The following ADGRL2 variants were observed in gnomAD, a reference collection of about 807,000 sequenced individuals.
The protein encoded by ADGRL2 is calcium-independent alpha-latrotoxin receptor 2.
In ADGRL2, 44 loss-of-function variants were observed where a neutral mutation model predicts 157.4. The observed-to-expected ratio is 0.28, with a 90% CI of 0.22 to 0.36. The LOEUF (loss-of-function observed/expected upper bound fraction) is 0.36. Ranked by LOEUF, ADGRL2 falls within the 10% of genes least tolerant of loss-of-function variation. The probability of loss-of-function intolerance (pLI) is 1.00; values close to 1 mark genes in which losing one functional copy is unlikely to be tolerated. For missense variants in ADGRL2, 1,510 were observed against 1,768.9 expected (o/e 0.85, Z 2.63); for synonymous variants, 585 against 624.7 (o/e 0.94, Z 0.95).
chr1:81,363,879 A>G (rs981029564), intron 1 of ADGRL2, among the ~76,000 whole-genome samples: 66 of 152,306 alleles, frequency 4.3e-4, no homozygotes, highest in African/African-American at 1.6e-3. Flanking sequence ...TACTTATACC[A>G]TAATATTTTC....
chr1:81,712,509 T>G (rs2083963375), intron 1 of ADGRL2, among the ~76,000 whole-genome samples: 1 of 152,170 alleles, frequency 6.6e-6, no homozygotes, highest in African/African-American at 2.4e-5. Context: ...ATGGGTATCA[T>G]AATATCCCCA....
At chr1:81,810,707 G>A (rs2089756328) in intron 1 of ADGRL2, among the ~76,000 whole-genome samples, 1 of 151,522 alleles carries the variant, frequency 6.6e-6, no homozygotes, top group Non-Finnish European at 1.5e-5. Flanking sequence ...TTTGATGAAG[G>A]CTTAATGTAT....
In ADGRL2 at chr1:81,490,759, G is replaced by T. The variant is rs530892402; in HGVS notation, c.-248+45670G>T. Among the ~76,000 whole-genome samples the T allele has an allele frequency of 2.0e-5, 3 of 152,316 alleles. No homozygotes were observed. The South Asian group carries it at 6.2e-4, about 32-fold the overall frequency. On this transcript the variant is annotated intron_variant, in intron 2 of 24. Transcript: ENST00000370721. ...CGTCTTGGCAGTATTTTCCAAAGTG[G>T]AAGGTACTTGAAATTTTAGTCCTAA...
At chr1:81,525,995 C>T (rs2079445046) in intron 2 of ADGRL2, among the ~76,000 whole-genome samples, 1 of 152,164 alleles carries the variant, frequency 6.6e-6, no homozygotes, top group African/African-American at 2.4e-5. Flanking sequence ...TCTTGGTGCA[C>T]AACCCATGAC....
chr1:81,923,845 C>T (rs1291712582), intron 3 of ADGRL2, among the ~76,000 whole-genome samples: 2 of 152,052 alleles, frequency 1.3e-5, no homozygotes, highest in Admixed American at 6.6e-5. Flanking sequence ...TGTGTGAGGC[C>T]TGATACAACA....
chr1:81,357,337 G>C (rs4650533), intron 1 of ADGRL2, among the ~76,000 whole-genome samples: 84,554 of 151,868 alleles, frequency 0.56, 25,286 homozygotes, highest in East Asian at 0.74. Flanking sequence ...CCTACACCTG[G>C]ATATATAACA....
At chr1:81,802,863 G>A (rs1299799267) in intron 1 of ADGRL2, among the ~76,000 whole-genome samples, 2 of 152,156 alleles carry the variant, frequency 1.3e-5, no homozygotes, top group East Asian at 1.9e-4. Context: ...GTGGGGAGGC[G>A]AGGATGACAG....
At chr1:81,820,655 C>T (rs764557774) in intron 1 of ADGRL2, among the ~76,000 whole-genome samples, 16 of 150,700 alleles carry the variant, frequency 1.1e-4, no homozygotes, top group Non-Finnish European at 1.8e-4. Flanking sequence ...GATGATAAAT[C>T]AGTAGCAAGC....
At chr1:81,318,090 C>G (rs1358263346) in intron 1 of ADGRL2, among the ~76,000 whole-genome samples, 1 of 152,102 alleles carries the variant, frequency 6.6e-6, no homozygotes, top group Non-Finnish European at 1.5e-5. Flanking sequence ...ATACTCTCCA[C>G]CTTTAAAGAA....
chr1:81,397,250 A>G (rs558340950), intron 1 of ADGRL2, among the ~76,000 whole-genome samples: 10 of 151,456 alleles, frequency 6.6e-5, no homozygotes, highest in African/African-American at 2.2e-4. Flanking sequence ...ATGTTGGCAC[A>G]GAGCTATTCA....
chr1:81,525,681 G>A (rs543346926), intron 2 of ADGRL2, among the ~76,000 whole-genome samples: 8 of 152,048 alleles, frequency 5.3e-5, no homozygotes, highest in Non-Finnish European at 1.2e-4. Context: ...CAGTGGTATC[G>A]TGTTGTTAGC....
chr1:81,365,364 A>G (rs1376978084), intron 1 of ADGRL2, among the ~76,000 whole-genome samples: 1 of 151,872 alleles, frequency 6.6e-6, no homozygotes, highest in African/African-American at 2.4e-5. Flanking sequence ...AGTACTGGAT[A>G]GAACTTATGG....
At chr1:81,881,899 T>C (rs2093997913) in intron 2 of ADGRL2, among the ~76,000 whole-genome samples, 1 of 152,196 alleles carries the variant, frequency 6.6e-6, no homozygotes, top group South Asian at 2.1e-4. Context: ...GAATACTAGA[T>C]TGATTTGTTT....
chr1:81,713,951 G>A (rs1204683967), intron 1 of ADGRL2, among the ~76,000 whole-genome samples: 1 of 152,162 alleles, frequency 6.6e-6, no homozygotes, highest in African/African-American at 2.4e-5. Context: ...CACATGGCTG[G>A]GGAGGCCTCA....
intron 2 of ADGRL2, among the ~76,000 whole-genome samples, chr1:81,489,770 A>G (rs1036227329): frequency 2.0e-5 from 3 of 152,234 alleles, no homozygotes; most frequent in East Asian, 1.9e-4. Context: ...ATGATTTCTC[A>G]TTAGAAATTG....
intron 1 of ADGRL2, among the ~76,000 whole-genome samples, chr1:81,727,442 A>AT (rs1189949184): frequency 1.3e-5 from 2 of 151,178 alleles, no homozygotes. Flanking sequence ...TTAAAACTTA[A>AT]TTTTTTTTTG....
At chr1:81,455,033 C>T (rs1055138315) in intron 2 of ADGRL2, among the ~76,000 whole-genome samples, 4 of 152,236 alleles carry the variant, frequency 2.6e-5, no homozygotes, top group Non-Finnish European at 5.9e-5. Flanking sequence ...CTCTAACTTG[C>T]TTCCCTCTTG....
chr1:81,947,027 G>A (rs3790888), intron 6 of ADGRL2, among the ~76,000 whole-genome samples: 45,622 of 151,878 alleles, frequency 0.3, 7,334 homozygotes, highest in Middle Eastern at 0.37. Context: ...ATCTTCATGG[G>A]TACTTATTAA....
At chr1:81,759,728 T>A (rs905754582) in intron 1 of ADGRL2, among the ~76,000 whole-genome samples, 8 of 152,138 alleles carry the variant, frequency 5.3e-5, no homozygotes, top group African/African-American at 1.9e-4. Flanking sequence ...TCCTTCATGC[T>A]TGGACATCTG....
Sources: gnomAD v4.1 joint callset for allele counts (sites outside exome capture counted in the v4.1 genomes callset) on GRCh38, gnomAD v4.1.1 for gene constraint, MANE v1.5 for transcripts, NCBI Gene and HGNC (gene_info 2026-07-23, HGNC 2026-07-21) for gene names.